Variants in DNAH8 observed in about 807,000 individuals in gnomAD.
DNAH8 encodes the protein axonemal beta dynein heavy chain 8.
Under a neutral mutation model 562.1 loss-of-function variants are expected in DNAH8, and 382 were observed. That is an observed-to-expected ratio of 0.68 (90% CI 0.63 to 0.74). DNAH8 has a LOEUF of 0.74. DNAH8 is among the 30% of genes least tolerant of loss of function. The pLI, the probability that DNAH8 is intolerant of heterozygous loss-of-function variation, is 0.00. For missense variants in DNAH8, 5,203 were observed against 5,620.4 expected, an observed-to-expected ratio of 0.93 and a Z score of 2.37; for synonymous variants, 1,881 against 1,919.4, an observed-to-expected ratio of 0.98 and a Z score of 0.52.
Position 38,898,238 on chromosome 6 carries a change from A to C in DNAH8, c.8941-20A>C. 6.4e-7 allele frequency: 1 copy of C among 1,566,708 alleles called. No individual in the cohort carries two copies. Among genetic ancestry groups the C allele is most frequent in the Non-Finnish European group, 8.6e-7 (1 of 1,163,900 alleles). On this transcript the variant is annotated intron_variant, in intron 60 of 92. Transcript: ENST00000327475. ...CTTGGATCTTAAATATTATTTTTTT[A>C]TCTTTCTCTCCACCCATAGATGCCA...
rs1772881269 is a variant in DNAH8, at chr6:38,821,848, C to G, written c.3524-990C>G. ...AAGTGCTGGGATTCTAGGCATGAAC[C>G]ACTGTGCCCAGCCAGCTGGAGTCAA... is the stretch of plus-strand genomic sequence containing the variant. On this transcript the variant is annotated intron_variant, in intron 26 of 92. Coordinates refer to ENST00000327475, the MANE Select transcript of DNAH8 (RefSeq NM_001206927.2). Among the ~76,000 whole-genome samples, 3 of 152,202 alleles carry G rather than the reference C, an allele frequency of 2.0e-5. No individual in the cohort carries two copies. In the South Asian group the frequency reaches 6.2e-4, roughly 32 times the overall value.
intron 74 of DNAH8, among the ~76,000 whole-genome samples, chr6:38,926,940 T>C (rs569215404): frequency 7.0e-4 from 106 of 152,328 alleles, no homozygotes; most frequent in South Asian, 2.1e-3. Flanking sequence ...CACAATGTCT[T>C]GTTTGCACTC....
chr6:38,791,721 A>C (rs1769765390), intron 21 of DNAH8, 47 bp downstream of exon 21: 2 of 1,587,712 alleles, frequency 1.3e-6, no homozygotes, highest in African/African-American at 1.4e-5. Context: ...ATTGGCCTAT[A>C]AACCTAAAAT....
chr6:38,923,887 G>A lies in DNAH8; in HGVS notation c.10791-104G>A, dbSNP rs912463249. ...CCTGGCTACCAAGCATTAAGCAGGG[G>A]CAAAGAAGGATTTCACCCAGTAACA... is the stretch of plus-strand genomic sequence containing the variant. On this transcript the variant is annotated intron_variant, in intron 72 of 92. Coordinates refer to ENST00000327475, the MANE Select transcript of DNAH8 (RefSeq NM_001206927.2). 8 of 1,272,282 alleles carry A rather than the reference G, an allele frequency of 6.3e-6. No individual in the cohort carries two copies. The Admixed American group carries it at 1.4e-4, about 22-fold the overall frequency. The allele number at this position is 1,272,282 out of a possible 1,614,324, so 78.8% of individuals were successfully genotyped here. A position where few individuals can be genotyped will look rare whatever the true frequency, so the allele number is the denominator to read the frequency against.
Position 38,845,670 on chromosome 6 carries a change from T to C in DNAH8, c.4942T>C (p.Phe1648Leu). 2 of 1,613,932 alleles carry C rather than the reference T, an allele frequency of 1.2e-6. No homozygotes were observed. The highest frequency in any genetic ancestry group is 1.7e-6 in the Non-Finnish European group (2 of 1,179,868). Residue 1648 changes from phenylalanine to leucine, a missense_variant, in exon 36 of 93, where the codon TTT (phenylalanine) becomes CTT (leucine). This residue lies in a region of DNAH8 where 2,176 missense variants were observed against 2,365.1 expected (regional missense o/e 0.92). Coordinates refer to ENST00000327475, the MANE Select transcript of DNAH8 (RefSeq NM_001206927.2). Reference sequence around the variant, plus strand: ...CAACCAAAATCTGAGTTTTGCAGCATTTAAGGGAAAAGGAGAGCTCCTGCT... The same window carrying C: ...CAACCAAAATCTGAGTTTTGCAGCACTTAAGGGAAAAGGAGAGCTCCTGCT... ...WTNQNLSFAA[F>L]KGKGELLLKG...
At chr6:38,806,104 AG>A (rs1433490385) in intron 23 of DNAH8, among the ~76,000 whole-genome samples, 1 of 152,124 alleles carries the variant, frequency 6.6e-6, no homozygotes, top group Non-Finnish European at 1.5e-5. Context: ...AAGGTTCAGA[AG>A]GGGGACTGGG....
chr6:38,918,180 A>G (rs1031253820), intron 70 of DNAH8, 40 bp downstream of exon 70: 6 of 1,438,828 alleles, frequency 4.2e-6, no homozygotes, highest in African/African-American at 1.4e-5. Flanking sequence ...TCAATATTTC[A>G]TAAAATCAGT....
chr6:38,834,192 T>C (rs1258887855), intron 31 of DNAH8, among the ~76,000 whole-genome samples: 1 of 152,192 alleles, frequency 6.6e-6, no homozygotes, highest in African/African-American at 2.4e-5. Context: ...TAATCATAAA[T>C]GAAATTTGGC....
rs1764322933 is a variant in DNAH8 at position 38,738,971 on chromosome 6, C to G, written c.1116+999C>G. The stretch of plus-strand genomic sequence containing the variant: ...CAATATGTTGAGTGTGAAATGATAT[C>G]TTGGTTTACTTGGTATTACCCTAAA... On this transcript the variant is annotated intron_variant, in intron 7 of 92. Transcript: ENST00000327475. 1.3e-5 allele frequency among the ~76,000 whole-genome samples: 2 copies of G among 152,046 alleles called. 1 individual carries two copies.
intron 13 of DNAH8, among the ~76,000 whole-genome samples, 185 bp downstream of exon 13, chr6:38,776,136 T>G (rs1768045453): frequency 6.6e-6 from 1 of 152,220 alleles, no homozygotes; most frequent in African/African-American, 2.4e-5. Flanking sequence ...AAAGGATTTT[T>G]TTTTGAATGA....
intron 67 of DNAH8, among the ~76,000 whole-genome samples, chr6:38,914,772 G>GAACT (rs924448219): frequency 1.1e-4 from 16 of 152,110 alleles, no homozygotes; most frequent in Non-Finnish European, 1.9e-4. Context: ...TGAAATGAGT[G>GAACT]AACTAACATA....
intron 8 of DNAH8, among the ~76,000 whole-genome samples, chr6:38,749,925 C>T (rs1254428950): frequency 2.0e-5 from 3 of 152,168 alleles, no homozygotes; most frequent in Non-Finnish European, 4.4e-5. Context: ...CTCCGCCTCC[C>T]GGGTTCATGC....
intron 82 of DNAH8, among the ~76,000 whole-genome samples, chr6:38,966,386 T>A (rs1447641845): frequency 6.6e-6 from 1 of 152,198 alleles, no homozygotes; most frequent in Non-Finnish European, 1.5e-5. Context: ...CCAGATGGCT[T>A]CATTGGTGAA....
In DNAH8 at chr6:38,803,326, T is replaced by C; in HGVS notation, c.3034+15T>C. 6.3e-7 allele frequency: 1 copy of C among 1,592,712 alleles called. No homozygotes were observed. Among genetic ancestry groups the C allele is most frequent in the Non-Finnish European group, 8.6e-7 (1 of 1,168,228 alleles). ...AAAACAGTCAGGTAACTTTTCTCGT[T>C]ACTGTGTTTGAATTACAAGATCTAC... On this transcript the variant is annotated intron_variant, in intron 22 of 92. Transcript: ENST00000327475.
intron 3 of DNAH8, among the ~76,000 whole-genome samples, chr6:38,725,678 G>T (rs1404199285): frequency 3.3e-5 from 5 of 152,196 alleles, no homozygotes; most frequent in Non-Finnish European, 7.3e-5. Flanking sequence ...CTGTGGTCAA[G>T]GCTGGCTTCA....
intron 47 of DNAH8, among the ~76,000 whole-genome samples, chr6:38,867,413 A>G (rs1008644124): frequency 6.6e-6 from 1 of 152,100 alleles, no homozygotes; most frequent in African/African-American, 2.4e-5. Flanking sequence ...TGTAAACGGA[A>G]TCACATAGTA....
rs369355205 is a variant in DNAH8 at position 39,030,291 on chromosome 6, C to T, written c.14023C>T (p.Arg4675Ter). 6.2e-6 allele frequency: 10 copies of T among 1,613,960 alleles called. No homozygotes were observed. The highest frequency in any genetic ancestry group is 2.7e-5 in the African/African-American group (2 of 74,896). ...YVCPIYKKPR[R>*]TDLTFITVVY... ...GTGTCCTATTTACAAGAAACCCAGG[C>T]GAACTGATTTGACCTTCATCACTGT... Residue 4675 changes from arginine to a stop codon, truncating the protein, a stop_gained, in exon 93 of 93, where the codon CGA (arginine) becomes TGA (stop). Coordinates refer to ENST00000327475, the MANE Select transcript of DNAH8 (RefSeq NM_001206927.2). LOFTEE classifies it high-confidence loss of function.
rs548272171 is a variant in DNAH8 at position 39,016,853 on chromosome 6, C to A, written c.13714+4216C>A. On this transcript the variant is annotated intron_variant, in intron 91 of 92. Coordinates refer to ENST00000327475, the MANE Select transcript of DNAH8 (RefSeq NM_001206927.2). ...CCTCAAGGACAAGTGACATGCCTTGCTTGCCCCTGGTCAGCACCTGAGCTT... is the reference window on the plus strand; with the variant it reads ...CCTCAAGGACAAGTGACATGCCTTGATTGCCCCTGGTCAGCACCTGAGCTT... 5.9e-5 allele frequency among the ~76,000 whole-genome samples: 9 copies of A among 152,302 alleles called. No homozygotes were observed. In the East Asian group the frequency reaches 1.7e-3, roughly 29 times the overall value.
intron 32 of DNAH8, among the ~76,000 whole-genome samples, chr6:38,837,707 A>G (rs935284192): frequency 1.1e-4 from 16 of 152,216 alleles, no homozygotes; most frequent in Admixed American, 7.2e-4. Context: ...GGAGAAGAAG[A>G]AGAAATAATT....
Sources: gnomAD v4.1 joint callset for allele counts (sites outside exome capture counted in the v4.1 genomes callset) on GRCh38, gnomAD v4.1.1 for gene constraint, gnomAD v4.1.1 regional missense constraint, MANE v1.5 for transcripts, NCBI Gene and HGNC (gene_info 2026-07-23, HGNC 2026-07-21) for gene names.